ST8SIA5: variants seen among roughly 807,000 people sequenced by gnomAD.
ST8SIA5 encodes alpha-2,8-sialyltransferase 8E.
ST8SIA5 carries 24 observed loss-of-function variants against 40.2 expected under a neutral mutation model. That is an observed-to-expected ratio of 0.60 (90% CI 0.43 to 0.84). The LOEUF is 0.84. ST8SIA5 is among the 40% of genes least tolerant of loss of function. The probability of loss-of-function intolerance (pLI) is 0.00; values close to 1 mark genes in which losing one functional copy is unlikely to be tolerated. For missense variants in ST8SIA5, 465 were observed against 498.5 expected (o/e 0.93, Z 0.64); for synonymous variants, 198 against 201.8 (o/e 0.98, Z 0.16).
chr18:46,698,855 G>A (rs933853874), intron 2 of ST8SIA5, among the ~76,000 whole-genome samples: 3 of 152,196 alleles, frequency 2.0e-5, no homozygotes, highest in Admixed American at 2.0e-4. Flanking sequence ...CCGATGGAGA[G>A]GCAGGGAAAT....
chr18:46,729,594 C>A (rs991149671), intron 1 of ST8SIA5, among the ~76,000 whole-genome samples: 1 of 152,158 alleles, frequency 6.6e-6, no homozygotes, highest in Admixed American at 6.5e-5. Flanking sequence ...AAACTCCCAC[C>A]CAAGAGACAA....
chr18:46,733,370 AT>A (rs1286203864), intron 1 of ST8SIA5, among the ~76,000 whole-genome samples: 3 of 152,008 alleles, frequency 2.0e-5, no homozygotes, highest in African/African-American at 7.2e-5. Flanking sequence ...TTTCCCATTC[AT>A]TCTATTTTCA....
chr18:46,671,146 T>G lies in ST8SIA5; in HGVS notation c.*8896A>C, dbSNP rs1015060274. On this transcript the variant is annotated 3_prime_UTR_variant, in exon 7 of 7. Transcript: ENST00000315087. ...AGTAAAACAGTAGCCATTTCCACTT[T>G]TAATAAGTCTTTGAGATCTCCAGAG... The G allele has an allele frequency of 2.0e-5, 3 of 152,188 alleles. No homozygotes were observed. Among genetic ancestry groups the G allele is most frequent in the African/African-American group, 7.2e-5 (3 of 41,446 alleles). 9.4% of individuals were successfully genotyped at this position (152,188 alleles called of 1,614,324 possible).
chr18:46,720,298 T>C (rs1328679802), intron 1 of ST8SIA5, among the ~76,000 whole-genome samples: 1 of 152,132 alleles, frequency 6.6e-6, no homozygotes, highest in Non-Finnish European at 1.5e-5. Flanking sequence ...AGGACAAGCA[T>C]GGGCCCCCAC....
At chr18:46,695,174 A>AC (rs1555694387) in intron 2 of ST8SIA5, among the ~76,000 whole-genome samples, 3 of 151,612 alleles carry the variant, frequency 2.0e-5, no homozygotes, top group African/African-American at 7.3e-5. Context: ...AAAAAAAAAA[A>AC]AAACCCTTTT....
At chr18:46,749,509 T>C (rs1359425659) in intron 1 of ST8SIA5, among the ~76,000 whole-genome samples, 4 of 152,152 alleles carry the variant, frequency 2.6e-5, no homozygotes, top group Middle Eastern at 3.2e-3. Context: ...ATAATGGTAG[T>C]AATGAAAGAA....
chr18:46,694,096 A>T (rs957159043), intron 2 of ST8SIA5, among the ~76,000 whole-genome samples: 1 of 152,220 alleles, frequency 6.6e-6, no homozygotes, highest in Non-Finnish European at 1.5e-5. Context: ...TGAGATCCAG[A>T]AAGATCCAGG....
intron 1 of ST8SIA5, among the ~76,000 whole-genome samples, chr18:46,729,070 G>C (rs1337749388): frequency 6.6e-6 from 1 of 152,064 alleles, no homozygotes; most frequent in Non-Finnish European, 1.5e-5. Context: ...CGCCCCACCT[G>C]CCTCAATGTC....
intron 1 of ST8SIA5, among the ~76,000 whole-genome samples, chr18:46,707,367 CCT>C (rs2039679853): frequency 6.6e-6 from 1 of 152,086 alleles, no homozygotes; most frequent in South Asian, 2.1e-4. Flanking sequence ...TAAAACTTCC[CCT>C]CTCTGCATCT....
intron 1 of ST8SIA5, among the ~76,000 whole-genome samples, chr18:46,734,930 G>T (rs561801758): frequency 6.6e-6 from 1 of 152,250 alleles, no homozygotes; most frequent in African/African-American, 2.4e-5. Flanking sequence ...TCCTGAGTGT[G>T]TCTGTGAGAG....
At chr18:46,753,084 C>T (rs2040209155) in intron 1 of ST8SIA5, among the ~76,000 whole-genome samples, 1 of 152,232 alleles carries the variant, frequency 6.6e-6, no homozygotes, top group South Asian at 2.1e-4. Context: ...CCCACTGTTA[C>T]ATCTGCCCTC....
intron 2 of ST8SIA5, among the ~76,000 whole-genome samples, chr18:46,693,940 T>C (rs1950205157): frequency 6.6e-6 from 1 of 152,236 alleles, no homozygotes; most frequent in South Asian, 2.1e-4. Context: ...AGTTAAGAAA[T>C]TGTTCCTTGC....
intron 1 of ST8SIA5, among the ~76,000 whole-genome samples, chr18:46,753,764 C>T (rs12454436): frequency 0.091 from 13,849 of 152,146 alleles, 919 homozygotes; most frequent in East Asian, 0.24. Context: ...TGCAGCAGCA[C>T]TCTCCTCTCC....
At position 46,674,484 on chromosome 18, in the gene ST8SIA5, T is replaced by C. The variant is rs1344907864; in HGVS notation, c.*5558A>G. ...TCCTCAGCTGACAATTTCCCCAAGG[T>C]GTTACTCAGTTTATTAGCGGGGTAT... On this transcript the variant is annotated 3_prime_UTR_variant, in exon 7 of 7. Coordinates refer to ENST00000315087, the MANE Select transcript of ST8SIA5 (RefSeq NM_013305.6). 1 of 152,164 alleles carries C rather than the reference T, an allele frequency of 6.6e-6. No homozygotes were observed. Among genetic ancestry groups the C allele is most frequent in the Non-Finnish European group, 1.5e-5 (1 of 68,054 alleles). The allele number at this position is 152,164 out of a possible 1,614,324, so 9.4% of individuals were successfully genotyped here.
At position 46,746,800 on chromosome 18, in the gene ST8SIA5, C is replaced by T. The variant is rs139469506; in HGVS notation, c.131+9578G>A. On this transcript the variant is annotated intron_variant, in intron 1 of 6. Transcript: ENST00000315087. ...AAAAAAAACAAAGCTGGAGACACCA[C>T]GCTACCTGACTTCAAACTATATTAC... Among the ~76,000 whole-genome samples, 32 of 151,570 alleles carry T rather than the reference C, an allele frequency of 2.1e-4. No individual in the cohort carries two copies. The East Asian group carries it at 4.4e-3, about 21-fold the overall frequency.
intron 2 of ST8SIA5, among the ~76,000 whole-genome samples, chr18:46,692,731 T>C (rs1246832264): frequency 1.3e-5 from 2 of 152,032 alleles, no homozygotes; most frequent in Admixed American, 6.5e-5. Context: ...ATATTCCTGA[T>C]GCTCTGGCAC....
chr18:46,699,522 G>A (rs2039589800), intron 2 of ST8SIA5, among the ~76,000 whole-genome samples: 1 of 152,116 alleles, frequency 6.6e-6, no homozygotes, highest in Admixed American at 6.5e-5. Flanking sequence ...TGGGAATACA[G>A]GCGCCTGCTA....
At position 46,756,653 on chromosome 18, in the gene ST8SIA5, G is replaced by T; in HGVS notation, c.-145C>A. ...GGGGACTTCGAGGGGCAAAGTTTCT[G>T]GTTGGCGCGGCCGGAGCTGGGGGCA... On this transcript the variant is annotated 5_prime_UTR_variant, in exon 1 of 7. Transcript: ENST00000315087. 1 of 994,712 alleles carries T rather than the reference G, an allele frequency of 1.0e-6. No individual in the cohort carries two copies. The highest frequency in any genetic ancestry group is 1.4e-6 in the Non-Finnish European group (1 of 699,190). 61.6% of individuals were successfully genotyped at this position (994,712 alleles called of 1,614,324 possible). A position where few individuals can be genotyped will look rare whatever the true frequency, so the allele number is the denominator to read the frequency against.
chr18:46,725,973 ATATATATATATAT>A (rs1375967728), intron 1 of ST8SIA5, among the ~76,000 whole-genome samples: 1,036 of 25,110 alleles, frequency 0.041, 124 homozygotes, highest in African/African-American at 0.15. Flanking sequence ...AAAAAAAAAA[ATATATATATATAT>A]ATATATATAT....
Sources: allele counts gnomAD v4.1 joint callset (sites outside exome capture counted in the v4.1 genomes callset), GRCh38; gene constraint gnomAD v4.1.1; transcripts MANE v1.5; gene names NCBI Gene and HGNC (gene_info 2026-07-23, HGNC 2026-07-21).